Variants in EIF4G3 observed in about 807,000 individuals in gnomAD.
EIF4G3 encodes the protein eIF-4-gamma 3.
EIF4G3 carries 34 observed loss-of-function variants against 186.4 expected under a neutral mutation model. The observed-to-expected ratio is 0.18, with a 90% CI of 0.14 to 0.24. The LOEUF is 0.24. EIF4G3 is among the 10% of genes least tolerant of loss of function. EIF4G3 has a pLI of 1.00. For synonymous variants in EIF4G3, 673 were observed against 679.5 expected (o/e 0.99, Z 0.15); for missense variants, 1,536 against 1,948.5 (o/e 0.79, Z 3.99).
At chr1:20,915,139 C>T (rs1162998471) in intron 14 of EIF4G3, among the ~76,000 whole-genome samples, 1 of 152,058 alleles carries the variant, frequency 6.6e-6, no homozygotes, top group Non-Finnish European at 1.5e-5. Flanking sequence ...TTTGTTTTCT[C>T]CTCATCATGG....
rs199925720 is a variant in EIF4G3 at position 20,954,420 on chromosome 1, CA to C, written c.715-4310del. Among the ~76,000 whole-genome samples, 814 of 151,052 alleles carry C rather than the reference CA, an allele frequency of 5.4e-3. 12 individuals are homozygous for C. The highest frequency in any genetic ancestry group is 0.024 in the East Asian group (125 of 5,118). ...ACACAGTGGCAGGCACCTATAATCT[CA>C]GCTACTCGGGAGGCTGAGGCAGGAG... is the stretch of plus-strand genomic sequence containing the variant. On this transcript the variant is annotated intron_variant, in intron 12 of 36. Transcript: ENST00000602326.
intron 14 of EIF4G3, among the ~76,000 whole-genome samples, chr1:20,929,840 C>T (rs1356248085): frequency 6.6e-6 from 1 of 152,068 alleles, no homozygotes; most frequent in Non-Finnish European, 1.5e-5. Context: ...TTGATCTTAC[C>T]ACTAAATTTT....
chr1:21,080,088 T>C (rs774701760), intron 3 of EIF4G3, among the ~76,000 whole-genome samples: 8 of 151,104 alleles, frequency 5.3e-5, no homozygotes, highest in African/African-American at 1.9e-4. Context: ...GAAACAAAGG[T>C]TGCAGTGAGC....
intron 14 of EIF4G3, among the ~76,000 whole-genome samples, chr1:20,938,019 T>A (rs1025641757): frequency 6.6e-6 from 1 of 151,636 alleles, no homozygotes; most frequent in Non-Finnish European, 1.5e-5. Flanking sequence ...TTTTTTAAGA[T>A]GGGGTCTTGC....
chr1:20,845,367 T>C (rs967958100), intron 29 of EIF4G3, among the ~76,000 whole-genome samples: 6 of 152,106 alleles, frequency 3.9e-5, no homozygotes, highest in Admixed American at 1.3e-4. Flanking sequence ...AGCCCTGTAA[T>C]ATAGTTTGAA....
intron 7 of EIF4G3, among the ~76,000 whole-genome samples, chr1:20,991,761 G>C (rs1363899508): frequency 6.6e-6 from 1 of 152,074 alleles, no homozygotes; most frequent in Non-Finnish European, 1.5e-5. Context: ...TGTTCTGTCA[G>C]ATCATAAGGG....
chr1:21,157,188 C>T (rs2097677288), intron 2 of EIF4G3, among the ~76,000 whole-genome samples: 1 of 152,154 alleles, frequency 6.6e-6, no homozygotes, highest in Non-Finnish European at 1.5e-5. Context: ...ATACACCATA[C>T]ACCATTTCCT....
chr1:20,842,526 C>T (rs1007638606), intron 29 of EIF4G3, among the ~76,000 whole-genome samples: 1 of 152,180 alleles, frequency 6.6e-6, no homozygotes, highest in Non-Finnish European at 1.5e-5. Context: ...AGCCACTACG[C>T]CTGGCTAATT....
At chr1:20,943,681 G>A (rs2095806115) in intron 13 of EIF4G3, among the ~76,000 whole-genome samples, 1 of 152,202 alleles carries the variant, frequency 6.6e-6, no homozygotes, top group Non-Finnish European at 1.5e-5. Flanking sequence ...ATCAATGAAA[G>A]TGAGTCTTTA....
chr1:21,057,905 C>A (rs2094641782), intron 3 of EIF4G3, among the ~76,000 whole-genome samples: 1 of 152,120 alleles, frequency 6.6e-6, no homozygotes, highest in Non-Finnish European at 1.5e-5. Context: ...AAAAAATAAT[C>A]TCCTATAAAA....
intron 14 of EIF4G3, among the ~76,000 whole-genome samples, chr1:20,933,063 G>A (rs1303065409): frequency 6.6e-6 from 1 of 152,190 alleles, no homozygotes; most frequent in Non-Finnish European, 1.5e-5. Context: ...AGAGGTATGA[G>A]AGGATATGGA....
In EIF4G3 at chr1:21,176,863, G is replaced by C; in HGVS notation, c.-597C>G. On this transcript the variant is annotated 5_prime_UTR_variant, in exon 1 of 37. Transcript: ENST00000602326. ...CAACGAGCAGAGCATCCAACATGGC[G>C]CTGTGGCCGCCTCCAGCAGTCCGGC... 1.4e-6 allele frequency: 1 copy of C among 699,996 alleles called. No homozygotes were observed. Among genetic ancestry groups the C allele is most frequent in the Non-Finnish European group, 2.6e-6 (1 of 383,166 alleles). 43.4% of individuals were successfully genotyped at this position (699,996 alleles called of 1,614,324 possible).
intron 4 of EIF4G3, among the ~76,000 whole-genome samples, chr1:21,012,782 T>A (rs2087567362): frequency 1.3e-5 from 2 of 152,112 alleles, no homozygotes; most frequent in Admixed American, 6.6e-5. Context: ...ACCATGGACT[T>A]TTGTGCCAAG....
At chr1:20,989,081 G>GGGAGAGGAGAGGAGAGGAGA (rs1553394546) in intron 7 of EIF4G3, among the ~76,000 whole-genome samples, 3 of 36,920 alleles carry the variant, frequency 8.1e-5, no homozygotes, top group African/African-American at 2.6e-4. Context: ...GGGAGGGGAG[G>GGGAGAGGAGAGGAGAGGAGA]GGAGAGGAGA....
At chr1:20,808,825 C>T (rs542871942) in intron 36 of EIF4G3, among the ~76,000 whole-genome samples, 1 of 152,146 alleles carries the variant, frequency 6.6e-6, no homozygotes, top group African/African-American at 2.4e-5. Flanking sequence ...GTTTTACTCT[C>T]ATAGTAAAAC....
intron 20 of EIF4G3, among the ~76,000 whole-genome samples, 193 bp downstream of exon 20, chr1:20,879,130 T>C (rs368229894): frequency 1.3e-5 from 2 of 152,194 alleles, no homozygotes; most frequent in South Asian, 4.1e-4. Context: ...CCAGACTTCA[T>C]ATCCCCTCCA....
intron 3 of EIF4G3, among the ~76,000 whole-genome samples, chr1:21,067,198 T>C (rs759522199): frequency 1.3e-5 from 2 of 149,242 alleles, no homozygotes; most frequent in Non-Finnish European, 3.0e-5. Context: ...AATGGCATGA[T>C]CTTGGCTAAC....
At chr1:20,999,529 C>T (rs2083034367) in intron 6 of EIF4G3, among the ~76,000 whole-genome samples, 1 of 152,050 alleles carries the variant, frequency 6.6e-6, no homozygotes. Flanking sequence ...GTCCCATTTT[C>T]AAGGCTCTAA....
In EIF4G3 at chr1:21,139,327, C is replaced by T. The variant is rs2097299627; in HGVS notation, c.-272+36848G>A. The stretch of plus-strand genomic sequence containing the variant: ...CAAGAAGGCTGGGTGTGGTGGCTCA[C>T]ACCTGTAATCCCAGAACATTGGGAG... On this transcript the variant is annotated intron_variant, in intron 2 of 36. Coordinates refer to ENST00000602326, the MANE Select transcript of EIF4G3 (RefSeq NM_001391906.1). 2.6e-5 allele frequency among the ~76,000 whole-genome samples: 4 copies of T among 152,068 alleles called. 1 individual carries two copies. The highest frequency in any genetic ancestry group is 9.7e-5 in the African/African-American group (4 of 41,428).
Sources: allele counts gnomAD v4.1 joint callset (sites outside exome capture counted in the v4.1 genomes callset), GRCh38; gene constraint gnomAD v4.1.1; transcripts MANE v1.5; gene names NCBI Gene and HGNC (gene_info 2026-07-23, HGNC 2026-07-21).